The following SDHC variants were observed in gnomAD, a reference collection of about 807,000 sequenced individuals.
The protein encoded by SDHC is succinate dehydrogenase complex subunit C.
SDHC carries 11 observed loss-of-function variants against 22.6 expected under a neutral mutation model. The observed-to-expected ratio is 0.49, with a 90% confidence interval of 0.31 to 0.81. SDHC has a LOEUF of 0.81. SDHC is among the 30% of genes least tolerant of loss of function. SDHC has a pLI of 0.05. For missense variants in SDHC, 160 were observed against 212.0 expected, an observed-to-expected ratio of 0.75 and a Z score of 1.52; for synonymous variants, 80 against 77.8, an observed-to-expected ratio of 1.03 and a Z score of -0.15.
At chr1:161,328,331 C>A in intron 2 of SDHC, 65 bp from the exon 3 acceptor site, 1 of 1,289,206 alleles carries the variant, frequency 7.8e-7, no homozygotes, top group Non-Finnish European at 1.1e-6. Context: ...CTTAATAAAA[C>A]GTTATGCAAA....
chr1:161,342,675 C>G (rs541824196), intron 4 of SDHC, among the ~76,000 whole-genome samples: 1 of 152,230 alleles, frequency 6.6e-6, no homozygotes, highest in South Asian at 2.1e-4. Context: ...CACCACCATT[C>G]CCTGCTAATT....
In SDHC at chr1:161,314,391, A is replaced by T; in HGVS notation, c.-15A>T. 6.2e-7 allele frequency: 1 copy of T among 1,614,112 alleles called. No homozygotes were observed. The highest frequency in any genetic ancestry group is 8.5e-7 in the Non-Finnish European group (1 of 1,180,022). ...GGGCCGCCTGGCGTCACTTCCGTCC[A>T]GACCGGAACCCAAGATGGCTGCGCT... On this transcript the variant is annotated 5_prime_UTR_variant, in exon 1 of 6. Transcript: ENST00000367975.
intron 3 of SDHC, among the ~76,000 whole-genome samples, chr1:161,334,137 C>T (rs764605706): frequency 3.9e-5 from 6 of 152,164 alleles, no homozygotes; most frequent in Non-Finnish European, 4.4e-5. Flanking sequence ...TCTGGAGGCC[C>T]TAGGGAAGAA....
intron 5 of SDHC, among the ~76,000 whole-genome samples, chr1:161,360,730 TAAA>T (rs200447683): frequency 0.01 from 1,566 of 151,784 alleles, 13 homozygotes; most frequent in Non-Finnish European, 0.016. Context: ...TTTTTAGTAT[TAAA>T]AAGAAAAGTG....
At chr1:161,354,519 A>G (rs554519080) in intron 4 of SDHC, among the ~76,000 whole-genome samples, 1 of 152,166 alleles carries the variant, frequency 6.6e-6, no homozygotes, top group African/African-American at 2.4e-5. Context: ...CCAAACTATC[A>G]AATCAGGGTC....
intron 3 of SDHC, among the ~76,000 whole-genome samples, chr1:161,330,170 AC>A (rs1255826241): frequency 2.6e-5 from 4 of 152,182 alleles, no homozygotes; most frequent in African/African-American, 9.7e-5. Flanking sequence ...AAATACATTC[AC>A]CACATCGCGG....
intron 3 of SDHC, among the ~76,000 whole-genome samples, chr1:161,340,190 G>C (rs1671670704): frequency 6.6e-6 from 1 of 152,080 alleles, no homozygotes; most frequent in African/African-American, 2.4e-5. Context: ...TCAGGAGGCT[G>C]AGGCAGGAGA....
At chr1:161,348,084 A>G (rs900550623) in intron 4 of SDHC, among the ~76,000 whole-genome samples, 8 of 152,218 alleles carry the variant, frequency 5.3e-5, no homozygotes, top group Non-Finnish European at 1.2e-4. Context: ...GCTAATATAT[A>G]AATTTTAAAA....
intron 3 of SDHC, among the ~76,000 whole-genome samples, chr1:161,331,293 A>G (rs1671262395): frequency 6.6e-6 from 1 of 151,554 alleles, no homozygotes; most frequent in African/African-American, 2.4e-5. Flanking sequence ...GTCCAGACAG[A>G]GTCTCACCCA....
chr1:161,344,586 T>C (rs972522647), intron 4 of SDHC, among the ~76,000 whole-genome samples: 6 of 152,340 alleles, frequency 3.9e-5, no homozygotes, highest in African/African-American at 1.2e-4. Flanking sequence ...AGTAGCTGTT[T>C]TCTATAGAGT....
chr1:161,325,430 AGCACTTTCGGAG>A (rs1170039973), intron 2 of SDHC, among the ~76,000 whole-genome samples: 1 of 152,128 alleles, frequency 6.6e-6, no homozygotes, highest in African/African-American at 2.4e-5. Context: ...CTGTAATCCT[AGCACTTTCGGAG>A]GCTGAGGTGG....
At chr1:161,360,820 A>G (rs768179378) in intron 5 of SDHC, among the ~76,000 whole-genome samples, 18 of 151,514 alleles carry the variant, frequency 1.2e-4, no homozygotes, top group Non-Finnish European at 1.9e-4. Flanking sequence ...AGAATAGAAA[A>G]TATAGGCTGG....
chr1:161,356,729 T>G lies in SDHC; in HGVS notation c.294T>G (p.Ser98=), dbSNP rs376292127. ...SALLLPGNFE[S]YLELVKSLCL... ...TGTTACTCCCTGGGAACTTTGAGTC[T>G]TATTTGGAACTTGTGAAGTCCCTGT... is the stretch of plus-strand genomic sequence containing the variant. The change falls in exon 5 of 6, where the codon TCT becomes TCG. Residue 98 remains serine (S), a synonymous_variant. Coordinates refer to ENST00000367975, the MANE Select transcript of SDHC (RefSeq NM_003001.5). The G allele has an allele frequency of 6.2e-7, 1 of 1,613,906 alleles. No homozygotes were observed. The highest frequency in any genetic ancestry group is 8.5e-7 in the Non-Finnish European group (1 of 1,179,976).
At chr1:161,341,693 A>G (rs995474861) in intron 4 of SDHC, among the ~76,000 whole-genome samples, 3 of 152,178 alleles carry the variant, frequency 2.0e-5, no homozygotes, top group Admixed American at 6.6e-5. Flanking sequence ...TCCTTTATTT[A>G]GCCTTATAGC....
chr1:161,361,784 A>G (rs1672518794), intron 5 of SDHC, among the ~76,000 whole-genome samples: 1 of 144,992 alleles, frequency 6.9e-6, no homozygotes, highest in African/African-American at 2.6e-5. Flanking sequence ...TGGAGCTTGC[A>G]GTGAGCTGAG....
intron 5 of SDHC, among the ~76,000 whole-genome samples, chr1:161,361,610 C>T (rs1156236719): frequency 6.6e-5 from 10 of 152,090 alleles, no homozygotes; most frequent in Admixed American, 5.2e-4. Flanking sequence ...GAGGACAAGG[C>T]GGGCAGATCA....
At chr1:161,360,400 C>CA (rs1178960309) in intron 5 of SDHC, among the ~76,000 whole-genome samples, 1 of 149,898 alleles carries the variant, frequency 6.7e-6, no homozygotes, top group Non-Finnish European at 1.5e-5. Flanking sequence ...ACCAAAAATA[C>CA]AAAAAATTAG....
At chr1:161,330,146 T>G (rs149096786) in intron 3 of SDHC, among the ~76,000 whole-genome samples, 7 of 152,328 alleles carry the variant, frequency 4.6e-5, no homozygotes, top group Admixed American at 6.5e-5. Context: ...AAAGTTTATG[T>G]CTGTCCCATG....
At chr1:161,342,870 C>T (rs1376571969) in intron 4 of SDHC, among the ~76,000 whole-genome samples, 1 of 152,104 alleles carries the variant, frequency 6.6e-6, no homozygotes, top group Non-Finnish European at 1.5e-5. Context: ...AATTATATAC[C>T]TGAGAGACAG....
Sources: allele counts gnomAD v4.1 joint callset (sites outside exome capture counted in the v4.1 genomes callset), GRCh38; gene constraint gnomAD v4.1.1; transcripts MANE v1.5; gene names NCBI Gene and HGNC (gene_info 2026-07-23, HGNC 2026-07-21).